Variants in OTUD7B observed in about 807,000 individuals in gnomAD.
OTUD7B encodes OTU deubiquitinase 7B, also known as OTU domain-containing protein 7B.
OTUD7B carries 34 observed loss-of-function variants against 82.2 expected under a neutral mutation model. That is an observed-to-expected ratio of 0.41 (90% CI 0.31 to 0.55). OTUD7B has a LOEUF of 0.55. Among genes scored for constraint, OTUD7B ranks in the 20% least tolerant of loss-of-function variants. The probability of loss-of-function intolerance (pLI) is 0.20; values close to 1 mark genes in which losing one functional copy is unlikely to be tolerated. For missense variants in OTUD7B, 944 were observed against 1,062.1 expected, an observed-to-expected ratio of 0.89 and a Z score of 1.55; for synonymous variants, 398 against 402.7, an observed-to-expected ratio of 0.99 and a Z score of 0.14.
chr1:150,061,627 T>G, the OTUD7B span, among the ~76,000 whole-genome samples: 1 of 152,154 alleles, frequency 6.6e-6, no homozygotes, highest in Admixed American at 6.6e-5. Flanking sequence ...AAGGAGGCTG[T>G]TCATAGCCAG....
At chr1:150,054,479 A>G in the OTUD7B span, 1 of 504,850 alleles carries the variant, frequency 2.0e-6, no homozygotes, top group Admixed American at 2.2e-5. Flanking sequence ...CAGCAATGTA[A>G]AAATCCCAAA....
At chr1:149,980,426 AAC>A (rs1390449045) in intron 1 of OTUD7B, among the ~76,000 whole-genome samples, 1 of 152,046 alleles carries the variant, frequency 6.6e-6, no homozygotes, top group Non-Finnish European at 1.5e-5. Context: ...CAATGATTAA[AAC>A]ACAGTGTTTG....
upstream of OTUD7B, chr1:150,010,825 C>T (rs1652997495): frequency 6.6e-6 from 1 of 152,250 alleles, no homozygotes; most frequent in Non-Finnish European, 1.5e-5. Flanking sequence ...CGCTCCGCCC[C>T]GTCGCAGCCC....
At chr1:149,964,143 T>C (rs782634746) in intron 6 of OTUD7B, 79 bp downstream of exon 6, 7 of 1,531,824 alleles carry the variant, frequency 4.6e-6, no homozygotes, top group Admixed American at 3.5e-5. Flanking sequence ...TTGGAAATAT[T>C]TTCTACTGGC....
the OTUD7B span, among the ~76,000 whole-genome samples, chr1:150,020,198 G>T: frequency 6.6e-6 from 1 of 151,804 alleles, no homozygotes; most frequent in African/African-American, 2.4e-5. Context: ...AATTCATATA[G>T]CAGGGAAAGA....
chr1:150,012,046 T>A (rs1318769063), upstream of OTUD7B, among the ~76,000 whole-genome samples: 1 of 152,110 alleles, frequency 6.6e-6, no homozygotes, highest in African/African-American at 2.4e-5. Context: ...CAAGTCAGAG[T>A]GCCTTGCATG....
At chr1:150,013,937 A>AAATAT (rs1343558056), upstream of OTUD7B, among the ~76,000 whole-genome samples, 4 of 81,828 alleles carry the variant, frequency 4.9e-5, no homozygotes, top group South Asian at 7.7e-4. Context: ...AAAAAAAAAT[A>AAATAT]ATATATATAT....
chr1:149,993,334 CA>C (rs1472979110), intron 1 of OTUD7B, among the ~76,000 whole-genome samples: 1 of 152,186 alleles, frequency 6.6e-6, no homozygotes, highest in Non-Finnish European at 1.5e-5. Flanking sequence ...CTCAATCATT[CA>C]AAAAGCATTC....
At chr1:150,059,048 C>CTTTTTTTTTTTTTTTTTT in the OTUD7B span, among the ~76,000 whole-genome samples, 1 of 140,996 alleles carries the variant, frequency 7.1e-6, no homozygotes, top group African/African-American at 2.7e-5. Flanking sequence ...TTCTTACTTT[C>CTTTTTTTTTTTTTTTTTT]TTTTCTTTTT....
At chr1:150,054,346 G>T in the OTUD7B span, 1 of 525,172 alleles carries the variant, frequency 1.9e-6, no homozygotes, top group Non-Finnish European at 3.8e-6. Context: ...GCAAGAGGGT[G>T]ATTTTCCTGA....
chr1:150,015,292 T>TTTTTG (rs1292144447), upstream of OTUD7B, among the ~76,000 whole-genome samples: 5 of 143,348 alleles, frequency 3.5e-5, no homozygotes, highest in Admixed American at 2.7e-4. Flanking sequence ...TTCTTTCTCT[T>TTTTTG]TTTTTTTTTG....
intron 7 of OTUD7B, among the ~76,000 whole-genome samples, chr1:149,958,430 C>T (rs1648880521): frequency 7.4e-6 from 1 of 134,914 alleles, no homozygotes; most frequent in South Asian, 2.5e-4. Context: ...TGGGTTCAAG[C>T]AATTCTCCTG....
At chr1:150,025,239 T>C in the OTUD7B span, among the ~76,000 whole-genome samples, 1 of 151,782 alleles carries the variant, frequency 6.6e-6, no homozygotes, top group Non-Finnish European at 1.5e-5. Flanking sequence ...CTAACCAACA[T>C]GGAGAAACCC....
chr1:149,947,977 G>A (rs587755563), intron 10 of OTUD7B, among the ~76,000 whole-genome samples: 5 of 152,090 alleles, frequency 3.3e-5, no homozygotes, highest in South Asian at 2.1e-4. Context: ...TTTTTATCAC[G>A]TATTTATTTA....
intron 2 of OTUD7B, among the ~76,000 whole-genome samples, chr1:149,976,294 C>T (rs1312127687): frequency 6.6e-6 from 1 of 151,926 alleles, no homozygotes; most frequent in Non-Finnish European, 1.5e-5. Context: ...GGACATGATT[C>T]TAACCCTTCA....
intron 1 of OTUD7B, among the ~76,000 whole-genome samples, chr1:150,006,198 C>T (rs1322196869): frequency 6.6e-6 from 1 of 152,202 alleles, no homozygotes; most frequent in Non-Finnish European, 1.5e-5. Context: ...TGGCTCACGC[C>T]TGTAATCCCA....
the OTUD7B span, among the ~76,000 whole-genome samples, chr1:150,056,125 T>C: frequency 2.6e-5 from 4 of 152,186 alleles, no homozygotes; most frequent in Non-Finnish European, 5.9e-5. Context: ...TACAGGAATA[T>C]GAATTTTCTA....
chr1:150,005,466 G>A (rs1405604179), intron 1 of OTUD7B, among the ~76,000 whole-genome samples: 1 of 152,016 alleles, frequency 6.6e-6, no homozygotes, highest in Non-Finnish European at 1.5e-5. Context: ...TTCTAGCTCA[G>A]AAATACTACA....
Position 149,977,859 on chromosome 1 carries a change from C to T in OTUD7B, c.-66-283G>A, listed in dbSNP as rs372562896. On this transcript the variant is annotated intron_variant, in intron 1 of 11. Transcript: ENST00000581312. ...TGCTTTTCTACCATGAGTTTGCTTACCCAAACTAAAGAAGGAAGCAACAGG... is the reference window on the plus strand; with the variant it reads ...TGCTTTTCTACCATGAGTTTGCTTATCCAAACTAAAGAAGGAAGCAACAGG... Among the ~76,000 whole-genome samples, 4 of 152,118 alleles carry T rather than the reference C, an allele frequency of 2.6e-5. 1 individual carries two copies. The highest frequency in any genetic ancestry group is 7.2e-5 in the African/African-American group (3 of 41,412).
Sources: gnomAD v4.1 joint callset for allele counts (sites outside exome capture counted in the v4.1 genomes callset) on GRCh38, gnomAD v4.1.1 for gene constraint, MANE v1.5 for transcripts, NCBI Gene and HGNC (gene_info 2026-07-23, HGNC 2026-07-21) for gene names.